The following SERPINB7 variants were observed in gnomAD, a reference collection of about 807,000 sequenced individuals.
SERPINB7 encodes the protein serpin B7.
SERPINB7 carries 31 observed loss-of-function variants against 37.4 expected under a neutral mutation model. That is an observed-to-expected ratio of 0.83 (90% CI 0.62 to 1.12). The LOEUF (loss-of-function observed/expected upper bound fraction) is 1.12. Among genes scored for constraint, SERPINB7 ranks in the 50% most tolerant of loss-of-function variants. The pLI, the probability that SERPINB7 is intolerant of heterozygous loss-of-function variation, is 0.00. For missense variants in SERPINB7, 521 were observed against 455.3 expected, an observed-to-expected ratio of 1.14 and a Z score of -1.31; for synonymous variants, 163 against 166.1, an observed-to-expected ratio of 0.98 and a Z score of 0.14.
intron 2 of SERPINB7, among the ~76,000 whole-genome samples, chr18:63,791,885 C>T (rs1260515314): frequency 6.6e-6 from 1 of 152,170 alleles, no homozygotes; most frequent in Non-Finnish European, 1.5e-5. Flanking sequence ...GCTGAGATTA[C>T]AGGCCTGAGC....
chr18:63,804,433 G>T lies in SERPINB7; in HGVS notation c.941G>T (p.Gly314Val). The change falls in exon 8 of 8, where the codon GGT (glycine) becomes GTT (valine). Residue 314 changes from glycine (G) to valine (V), a missense_variant. By Grantham distance (109) the Gly-to-Val change is moderately radical. Transcript: ENST00000398019. Reference sequence around the variant, plus strand: ...GATCTCTCTGGGATTGCTTCGGGGGGTCGTCTGTATATATCAAGGATGATG... The same window carrying T: ...GATCTCTCTGGGATTGCTTCGGGGGTTCGTCTGTATATATCAAGGATGATG... ...KADLSGIASG[G>V]RLYISRMMHK... 3.1e-6 allele frequency: 5 copies of T among 1,613,710 alleles called. No individual in the cohort carries two copies. The highest frequency in any genetic ancestry group is 4.2e-6 in the Non-Finnish European group (5 of 1,179,820).
At chr18:63,776,900 G>A (rs185456375) in intron 1 of SERPINB7, among the ~76,000 whole-genome samples, 7 of 152,100 alleles carry the variant, frequency 4.6e-5, no homozygotes, top group Admixed American at 4.6e-4. Context: ...GATGGGGGTA[G>A]ATATCCCTCT....
intron 1 of SERPINB7, among the ~76,000 whole-genome samples, chr18:63,755,929 A>G (rs1364247881): frequency 6.6e-6 from 1 of 152,172 alleles, no homozygotes; most frequent in Non-Finnish European, 1.5e-5. Flanking sequence ...TTGACATTAA[A>G]TGAATCATTT....
At chr18:63,778,945 A>AG (rs2049276287) in intron 1 of SERPINB7, among the ~76,000 whole-genome samples, 1 of 152,202 alleles carries the variant, frequency 6.6e-6, no homozygotes, top group Non-Finnish European at 1.5e-5. Context: ...ATATTTATGC[A>AG]AGAAACATAA....
rs139386487 is a variant in SERPINB7, at chr18:63,793,094, G to A, written c.220-67G>A. On this transcript the variant is annotated intron_variant, in intron 3 of 7. Transcript: ENST00000398019. Reference sequence around the variant, plus strand: ...GTATAATTTGCATGTTTTGTTTTATGTGTAAGTGAGATTATGCATATCTTT... The same window carrying A: ...GTATAATTTGCATGTTTTGTTTTATATGTAAGTGAGATTATGCATATCTTT... 3.8e-4 allele frequency: 303 copies of A among 803,666 alleles called. No homozygotes were observed. The African/African-American group carries it at 4.6e-3, about 12-fold the overall frequency. 49.8% of individuals were successfully genotyped at this position (803,666 alleles called of 1,614,324 possible). A position where few individuals can be genotyped will look rare whatever the true frequency, so the allele number is the denominator to read the frequency against.
intron 1 of SERPINB7, among the ~76,000 whole-genome samples, chr18:63,778,769 T>C (rs1168713377): frequency 2.0e-5 from 3 of 152,132 alleles, no homozygotes; most frequent in Non-Finnish European, 4.4e-5. Flanking sequence ...GATAAAAAAG[T>C]TCTCAGATTG....
intron 1 of SERPINB7, among the ~76,000 whole-genome samples, chr18:63,780,275 T>C (rs78854649): frequency 6.6e-6 from 1 of 152,294 alleles, no homozygotes; most frequent in East Asian, 1.9e-4. Flanking sequence ...ACAATTTCCT[T>C]CTAAAATTAA....
intron 2 of SERPINB7, among the ~76,000 whole-genome samples, chr18:63,791,637 G>T (rs1206836214): frequency 6.6e-6 from 1 of 151,416 alleles, no homozygotes; most frequent in Non-Finnish European, 1.5e-5. Context: ...TTGAGATGGC[G>T]TCTCACTCTG....
intron 6 of SERPINB7, among the ~76,000 whole-genome samples, chr18:63,799,694 C>T (rs933110246): frequency 1.3e-5 from 2 of 152,186 alleles, no homozygotes; most frequent in Non-Finnish European, 2.9e-5. Flanking sequence ...GTGTATCAGG[C>T]TCAATTCTGG....
intron 2 of SERPINB7, among the ~76,000 whole-genome samples, chr18:63,784,942 C>T (rs2049349364): frequency 6.6e-6 from 1 of 152,178 alleles, no homozygotes; most frequent in African/African-American, 2.4e-5. Context: ...CCCTGCACCT[C>T]ATGCCTGGTG....
chr18:63,800,858 A>G lies in SERPINB7; in HGVS notation c.598-8A>G. On this transcript the variant is annotated splice_region_variant and splice_polypyrimidine_tract_variant and intron_variant, in intron 6 of 7. Coordinates refer to ENST00000398019, the MANE Select transcript of SERPINB7 (RefSeq NM_003784.4). ...ATCATAAATAATTTTTTGTGACTTG[A>G]CTTTCAGTGCTCTGGGAAGGCAGTC... 6.2e-7 allele frequency: 1 copy of G among 1,611,520 alleles called. No individual in the cohort carries two copies. The highest frequency in any genetic ancestry group is 8.5e-7 in the Non-Finnish European group (1 of 1,179,264).
intron 2 of SERPINB7, among the ~76,000 whole-genome samples, chr18:63,783,211 AGAGAGAGAG>A (rs1568207639): frequency 1.6e-3 from 121 of 76,712 alleles, no homozygotes; most frequent in African/African-American, 4.5e-3. Context: ...AGAGAGAGAG[AGAGAGAGAG>A]AGAGAGAGAG....
intron 2 of SERPINB7, among the ~76,000 whole-genome samples, chr18:63,787,552 A>G (rs1243502526): frequency 1.3e-5 from 2 of 152,218 alleles, no homozygotes; most frequent in Non-Finnish European, 2.9e-5. Flanking sequence ...ATTATCTCAG[A>G]AAAGATGTTA....
chr18:63,785,903 G>A (rs1003435870), intron 2 of SERPINB7, among the ~76,000 whole-genome samples: 12 of 126,044 alleles, frequency 9.5e-5, no homozygotes, highest in Non-Finnish European at 1.3e-4. Flanking sequence ...TATAATATAC[G>A]TATATATACA....
intron 1 of SERPINB7, among the ~76,000 whole-genome samples, chr18:63,766,704 A>G (rs1000755180): frequency 5.3e-5 from 8 of 152,100 alleles, no homozygotes; most frequent in Admixed American, 1.3e-4. Context: ...ATGATCTCCC[A>G]ACTTAAAAAG....
At chr18:63,798,966 A>G (rs1487975145) in intron 6 of SERPINB7, among the ~76,000 whole-genome samples, 3 of 152,242 alleles carry the variant, frequency 2.0e-5, no homozygotes, top group African/African-American at 7.2e-5. Context: ...GTAAATTGGT[A>G]TTCTTTAAAA....
At position 63,757,787 on chromosome 18, in the gene SERPINB7, A is replaced by G. The variant is rs185108484; in HGVS notation, c.-19+4667A>G. Among the ~76,000 whole-genome samples, 201 of 152,324 alleles carry G rather than the reference A, an allele frequency of 1.3e-3. 1 individual carries two copies. The highest frequency in any genetic ancestry group is 4.6e-3 in the African/African-American group (190 of 41,568). ...GTAACCTTCTACAATGCATTGCTTA[A>G]TCTTTCATTTAACTGTAAGCACTGG... On this transcript the variant is annotated intron_variant, in intron 1 of 7. Transcript: ENST00000336429.
upstream of SERPINB7, among the ~76,000 whole-genome samples, chr18:63,771,181 G>A (rs1468718305): frequency 3.3e-5 from 5 of 151,988 alleles, no homozygotes; most frequent in Non-Finnish European, 5.9e-5. Flanking sequence ...AGAGACGAAA[G>A]GTATTTAGTT....
chr18:63,757,014 T>A (rs2049126326), intron 1 of SERPINB7, among the ~76,000 whole-genome samples: 1 of 152,224 alleles, frequency 6.6e-6, no homozygotes. Context: ...AGTACATGAA[T>A]GTCTTCTTTT....
Sources: allele counts gnomAD v4.1 joint callset (sites outside exome capture counted in the v4.1 genomes callset), GRCh38; gene constraint gnomAD v4.1.1; transcripts MANE v1.5; gene names NCBI Gene and HGNC (gene_info 2026-07-23, HGNC 2026-07-21).